The following KIF13A variants were observed in gnomAD, a reference collection of about 807,000 sequenced individuals.
The protein encoded by KIF13A is kinesin family member 13A.
KIF13A carries 79 observed loss-of-function variants against 212.2 expected under a neutral mutation model. The observed-to-expected ratio is 0.37, with a 90% CI of 0.31 to 0.45. KIF13A has a LOEUF of 0.45. KIF13A is among the 20% of genes least tolerant of loss of function. The pLI, the probability that KIF13A is intolerant of heterozygous loss-of-function variation, is 1.00. For synonymous variants in KIF13A, 789 were observed against 808.6 expected (o/e 0.98, Z 0.41); for missense variants, 1,901 against 2,209.0 (o/e 0.86, Z 2.79).
At chr6:17,807,869 T>C (rs1045079852) in intron 18 of KIF13A, among the ~76,000 whole-genome samples, 4 of 152,124 alleles carry the variant, frequency 2.6e-5, no homozygotes, top group African/African-American at 4.8e-5. Flanking sequence ...CTGACACTTA[T>C]GGAAAATAGA....
chr6:17,803,968 C>A (rs1293339800), intron 20 of KIF13A, among the ~76,000 whole-genome samples: 1 of 152,238 alleles, frequency 6.6e-6, no homozygotes, highest in African/African-American at 2.4e-5. Context: ...CTGGCTAACA[C>A]GGTGAAACCC....
At chr6:17,887,305 A>G (rs990727039) in intron 3 of KIF13A, among the ~76,000 whole-genome samples, 2 of 152,152 alleles carry the variant, frequency 1.3e-5, no homozygotes, top group Non-Finnish European at 2.9e-5. Context: ...CATCAGGGAA[A>G]TATATTTTCG....
chr6:17,954,909 C>T (rs1341567170), intron 2 of KIF13A, among the ~76,000 whole-genome samples: 2 of 152,130 alleles, frequency 1.3e-5, no homozygotes, highest in Non-Finnish European at 1.5e-5. Flanking sequence ...AAACTCCTGG[C>T]CTCAAGTAAC....
downstream of KIF13A, among the ~76,000 whole-genome samples, chr6:17,761,921 C>T (rs1303925757): frequency 6.6e-6 from 1 of 152,084 alleles, no homozygotes. Context: ...GATAACCTGT[C>T]TCCTATTACT....
In KIF13A at chr6:17,942,958, G is replaced by A. The variant is rs537680046; in HGVS notation, c.146+44096C>T. 1.3e-4 allele frequency among the ~76,000 whole-genome samples: 20 copies of A among 152,006 alleles called. No homozygotes were observed. The South Asian group carries it at 1.5e-3, about 11-fold the overall frequency. The stretch of plus-strand genomic sequence containing the variant: ...TGTGCCACTACACTCCAGGCTGGCC[G>A]ACAGAGTGAGACTCTGTCTCAAAAA... On this transcript the variant is annotated intron_variant, in intron 2 of 38. Transcript: ENST00000259711.
chr6:17,837,204 G>T lies in KIF13A; in HGVS notation c.943-114C>A. Reference sequence around the variant, plus strand: ...ATTCTCTATGAAGGAAACATTATGTGGAAATGGACTTGCATTTCACAAATA... The same window carrying T: ...ATTCTCTATGAAGGAAACATTATGTTGAAATGGACTTGCATTTCACAAATA... On this transcript the variant is annotated intron_variant, in intron 10 of 38. Coordinates refer to ENST00000259711, the MANE Select transcript of KIF13A (RefSeq NM_022113.6). The surrounding 1 kb of genome is among the most constrained non-coding windows in gnomAD (Gnocchi z 5.4). 1.1e-6 allele frequency: 1 copy of T among 940,166 alleles called. No individual in the cohort carries two copies. The allele number at this position is 940,166 out of a possible 1,614,324, so 58.2% of individuals were successfully genotyped here. A position where few individuals can be genotyped will look rare whatever the true frequency, so the allele number is the denominator to read the frequency against.
chr6:17,866,330 C>T (rs999145822), intron 4 of KIF13A, among the ~76,000 whole-genome samples: 1 of 152,050 alleles, frequency 6.6e-6, no homozygotes, highest in African/African-American at 2.4e-5. Context: ...TAGTAGTATT[C>T]CTGGCTAGGT....
chr6:17,821,919 G>T, intron 16 of KIF13A: 2 of 1,535,298 alleles, frequency 1.3e-6, no homozygotes, highest in South Asian at 2.4e-5. Flanking sequence ...GCAGTAGAGG[G>T]GAATCACAGT....
chr6:17,815,238 C>A (rs113511351), intron 17 of KIF13A, among the ~76,000 whole-genome samples: 7,332 of 152,278 alleles, frequency 0.048, 254 homozygotes, highest in Middle Eastern at 0.071. Flanking sequence ...CAGAGCCAGG[C>A]GTACAGGGTG....
intron 16 of KIF13A, among the ~76,000 whole-genome samples, chr6:17,824,577 G>A (rs996243842): frequency 2.0e-5 from 3 of 151,830 alleles, no homozygotes; most frequent in Non-Finnish European, 4.4e-5. Flanking sequence ...GCCTTAACAC[G>A]GTGAAACCCC....
At chr6:17,864,486 T>C (rs976340940) in intron 4 of KIF13A, among the ~76,000 whole-genome samples, 1 of 152,094 alleles carries the variant, frequency 6.6e-6, no homozygotes, top group Non-Finnish European at 1.5e-5. Context: ...ACATACGATA[T>C]GAATCTTTTT....
At chr6:17,821,552 G>GTGTGTGTGTGTGTGTGTGTGTGTGTGTGT (rs1554172080) in intron 16 of KIF13A, among the ~76,000 whole-genome samples, 56 of 112,094 alleles carry the variant, frequency 5.0e-4, no homozygotes, top group African/African-American at 1.6e-3. Flanking sequence ...ATTGGGACAT[G>GTGTGTGTGTGTGTGTGTGTGTGTGTGTGT]GTGTGTGTGT....
chr6:17,951,108 C>G lies in KIF13A; in HGVS notation c.146+35946G>C. On this transcript the variant is annotated intron_variant, in intron 2 of 38. Transcript: ENST00000259711. The surrounding 1 kb of genome is among the most constrained non-coding windows in gnomAD (Gnocchi z 4.9). ...TTATATATAACACTTTGCCAACCAT[C>G]CATTTATTCATATGTGGGGTCTGAT... 8.6e-7 allele frequency: 1 copy of G among 1,158,516 alleles called. No homozygotes were observed. The highest frequency in any genetic ancestry group is 3.9e-5 in the South Asian group (1 of 25,636). 71.8% of individuals were successfully genotyped at this position (1,158,516 alleles called of 1,614,324 possible). A position where few individuals can be genotyped will look rare whatever the true frequency, so the allele number is the denominator to read the frequency against.
At chr6:17,844,188 AATTATGAGT>A (rs1766802947) in intron 9 of KIF13A, among the ~76,000 whole-genome samples, 1 of 152,206 alleles carries the variant, frequency 6.6e-6, no homozygotes, top group African/African-American at 2.4e-5. Flanking sequence ...ATGGATGGCA[AATTATGAGT>A]AAAGGACAGT....
chr6:17,975,599 T>C (rs961870665), intron 2 of KIF13A, among the ~76,000 whole-genome samples: 2 of 152,164 alleles, frequency 1.3e-5, no homozygotes, highest in Admixed American at 6.5e-5. Context: ...CTGCCGCTAG[T>C]TCGGGCAGCC....
intron 17 of KIF13A, among the ~76,000 whole-genome samples, chr6:17,813,364 C>T (rs556344551): frequency 6.6e-6 from 1 of 152,190 alleles, no homozygotes; most frequent in South Asian, 2.1e-4. Flanking sequence ...CTTGTAATCC[C>T]AGCTACTTGG....
chr6:17,830,107 A>C (rs375082618), intron 13 of KIF13A, among the ~76,000 whole-genome samples: 45 of 152,088 alleles, frequency 3.0e-4, no homozygotes, highest in African/African-American at 1.1e-3. Context: ...CAGTGTCCTA[A>C]ATCAATGTCA....
intron 25 of KIF13A, among the ~76,000 whole-genome samples, chr6:17,791,070 A>T (rs1561975885): frequency 6.6e-6 from 1 of 152,016 alleles, no homozygotes; most frequent in East Asian, 1.9e-4. Flanking sequence ...TTAAGAATAT[A>T]GTCAAAATTA....
downstream of KIF13A, among the ~76,000 whole-genome samples, chr6:17,763,475 C>CAAAAAA (rs67357010): frequency 6.6e-5 from 5 of 75,730 alleles, no homozygotes; most frequent in Admixed American, 1.8e-4. Context: ...CACTCCATCT[C>CAAAAAA]AAAAAAAAAA....
Sources: allele counts gnomAD v4.1 joint callset (sites outside exome capture counted in the v4.1 genomes callset), GRCh38; gene constraint gnomAD v4.1.1; non-coding constraint Gnocchi (gnomAD v3.1); transcripts MANE v1.5; gene names NCBI Gene and HGNC (gene_info 2026-07-23, HGNC 2026-07-21).